The following FLII variants were observed in gnomAD, a reference collection of about 807,000 sequenced individuals.
The protein encoded by FLII is FLII actin remodeling protein.
FLII carries 101 observed loss-of-function variants against 156.2 expected under a neutral mutation model. The ratio of observed to expected loss-of-function variants is 0.65; its 90% CI spans 0.55 to 0.76. FLII has a LOEUF of 0.76. Among genes scored for constraint, FLII ranks in the 30% least tolerant of loss-of-function variants. The pLI is 0.00. For missense variants in FLII, 1,675 were observed against 1,682.8 expected, an observed-to-expected ratio of 1.00 and a Z score of 0.08; for synonymous variants, 767 against 685.8, an observed-to-expected ratio of 1.12 and a Z score of -1.85.
intron 6 of FLII, 128 bp from the exon 7 acceptor site, chr17:18,254,310 ACAAGCC>A (rs1218055887): frequency 1.2e-6 from 1 of 852,918 alleles, no homozygotes. Context: ...GGTTGAAGGG[ACAAGCC>A]CAAGGGTGGT....
intron 9 of FLII, 115 bp from the exon 10 acceptor site, chr17:18,252,671 G>A (rs1208686656): frequency 1.3e-6 from 1 of 778,588 alleles, no homozygotes; most frequent in East Asian, 2.5e-5. Context: ...ACTGGCGGGG[G>A]TCTCCATTCT....
At chr17:18,245,512 T>G in intron 28 of FLII, 43 bp downstream of exon 28, 1 of 1,612,234 alleles carries the variant, frequency 6.2e-7, no homozygotes, top group Non-Finnish European at 8.5e-7. Flanking sequence ...AGTAAGTCTA[T>G]GGGCGCCTCC....
At chr17:18,247,580 G>A (rs1032531605) in intron 20 of FLII, 77 bp downstream of exon 20, 10 of 1,332,696 alleles carry the variant, frequency 7.5e-6, no homozygotes, top group Non-Finnish European at 9.1e-6. Context: ...CTGTAGGGAG[G>A]TAGTGAAGCC....
intron 9 of FLII, 116 bp downstream of exon 9, chr17:18,253,185 G>T: frequency 9.8e-7 from 1 of 1,023,406 alleles, no homozygotes; most frequent in Non-Finnish European, 1.4e-6. Context: ...AAGAAAAGGT[G>T]AATTAACCCA....
chr17:18,245,116 C>A lies in FLII; in HGVS notation c.*22G>T, dbSNP rs200226967. ...AGGCCCCTTCCTCTTCCTCACCAAGCCTGGGGCTGTGCCAGCCTGTCTTAG... is the reference window on the plus strand; with the variant it reads ...AGGCCCCTTCCTCTTCCTCACCAAGACTGGGGCTGTGCCAGCCTGTCTTAG... On this transcript the variant is annotated 3_prime_UTR_variant, in exon 30 of 30. Transcript: ENST00000327031. The A allele has an allele frequency of 6.2e-7, 1 of 1,602,302 alleles. No homozygotes were observed. The highest frequency in any genetic ancestry group is 8.5e-7 in the Non-Finnish European group (1 of 1,172,468).
chr17:18,246,518 A>G (rs1597897968), intron 23 of FLII, 56 bp from the exon 24 acceptor site: 18 of 1,611,978 alleles, frequency 1.1e-5, no homozygotes, highest in South Asian at 3.3e-5. Context: ...GCCCCTCGGG[A>G]GCCTAACCTT....
chr17:18,258,741 G>A, upstream of FLII: 1 of 1,256,236 alleles, frequency 8.0e-7, no homozygotes, highest in South Asian at 2.4e-5. The surrounding 1 kb of genome is among the most constrained non-coding windows in gnomAD (Gnocchi z 4.2). Context: ...GCCGGGGCGA[G>A]GGCGCTGGGG....
Position 18,256,955 on chromosome 17 carries a change from G to T in FLII, c.128C>A (p.Thr43Asn), listed in dbSNP as rs1459979534. 1 of 1,612,184 alleles carries T rather than the reference G, an allele frequency of 6.2e-7. No individual in the cohort carries two copies. The change falls in exon 2 of 30, where the codon ACT becomes AAT. Residue 43 changes from threonine to asparagine, a missense_variant. Transcript: ENST00000327031. ...CTCCTCGGGCAGGTAGCAGAGGCCA[G>T]TGCGGTTCAGCTTCAGCCACCGCAG... ...TSLRWLKLNR[T>N]GLCYLPEELA...
chr17:18,247,117 C>CGGGCGGGGGGGGGGGGGGCGG, intron 21 of FLII, 52 bp downstream of exon 21: 1 of 1,455,100 alleles, frequency 6.9e-7, no homozygotes, highest in Non-Finnish European at 9.1e-7. Context: ...GCCCCGCCCT[C>CGGGCGGGGGGGGGGGGGGCGG]GGCCTGCCCC....
chr17:18,249,490 G>A lies in FLII; in HGVS notation c.1777-82C>T, dbSNP rs144900983. The stretch of plus-strand genomic sequence containing the variant: ...ACTGCCCCTCAGGTGGGGGTACAGA[G>A]TTGCATACAGGTGAATTGAGTGCTA... On this transcript the variant is annotated intron_variant, in intron 14 of 29. Transcript: ENST00000327031. 2.4e-5 allele frequency: 24 copies of A among 1,020,610 alleles called. No individual in the cohort carries two copies. In the East Asian group the frequency reaches 5.1e-4, roughly 22 times the overall value. The allele number at this position is 1,020,610 out of a possible 1,614,324, so 63.2% of individuals were successfully genotyped here. A position where few individuals can be genotyped will look rare whatever the true frequency, so the allele number is the denominator to read the frequency against.
chr17:18,248,844 T>C lies in FLII; in HGVS notation c.1974A>G (p.Val658=), dbSNP rs1292398667. ...TCAGTGTGGCCTGGGCCCCCCGCCA[T>C]ACGTAGATGTCTAGCCCTCGGTCCA... The part of the protein sequence containing the change: ...FLLDRGLDIY[V]WRGAQATLSS... The change falls in exon 17 of 30, where the codon GTA becomes GTG. Residue 658 remains valine (V), a synonymous_variant. Transcript: ENST00000327031. 3 of 1,613,844 alleles carry C rather than the reference T, an allele frequency of 1.9e-6. No individual in the cohort carries two copies. The highest frequency in any genetic ancestry group is 1.7e-6 in the Non-Finnish European group (2 of 1,179,922).
intron 3 of FLII, 66 bp downstream of exon 3, chr17:18,256,460 G>C: frequency 1.5e-6 from 2 of 1,317,326 alleles, no homozygotes; most frequent in Non-Finnish European, 2.1e-6. Context: ...TCTAGCCCAG[G>C]CTTCACGTCC....
At chr17:18,246,141 G>T (rs762968922) in intron 25 of FLII, 21 bp downstream of exon 25, 1 of 1,614,150 alleles carries the variant, frequency 6.2e-7, no homozygotes, top group Non-Finnish European at 8.5e-7. Flanking sequence ...ACGGAGTCCT[G>T]GCTCACACCC....
Position 18,254,578 on chromosome 17 carries a change from A to G in FLII, c.518T>C (p.Leu173Pro). ...GAGCACGAGCGTCTGCAGGTGCACCAGGCGGCGCATCTGCGGGGGCAGGCT... is the reference window on the plus strand; with the variant it reads ...GAGCACGAGCGTCTGCAGGTGCACCGGGCGGCGCATCTGCGGGGGCAGGCT... ...LESLPPQMRRLVHLQTLVLNG... is the reference protein window; with the variant it reads ...LESLPPQMRRPVHLQTLVLNG... The change falls in exon 6 of 30, where the codon CTG becomes CCG. Residue 173 changes from leucine (L) to proline (P), a missense_variant. Transcript: ENST00000327031. 1 of 1,613,734 alleles carries G rather than the reference A, an allele frequency of 6.2e-7. No homozygotes were observed. The highest frequency in any genetic ancestry group is 8.5e-7 in the Non-Finnish European group (1 of 1,179,910).
At position 18,254,576 on chromosome 17, in the gene FLII, C is replaced by T. The variant is rs1230307826; in HGVS notation, c.520G>A (p.Val174Met). 6.2e-7 allele frequency: 1 copy of T among 1,613,554 alleles called. No homozygotes were observed. Among genetic ancestry groups the T allele is most frequent in the Admixed American group, 1.7e-5 (1 of 59,960 alleles). The change falls in exon 6 of 30, where the codon GTG becomes ATG. Residue 174 changes from valine to methionine, a missense_variant. By Grantham distance (21) the Val-to-Met change is conservative (BLOSUM62 1). Around this residue, in one of 2 missense-constraint regions of FLII, gnomAD observed 343 missense variants for 413.5 expected, o/e 0.83. Coordinates refer to ENST00000327031, the MANE Select transcript of FLII (RefSeq NM_002018.4). The stretch of plus-strand genomic sequence containing the variant: ...TTGAGCACGAGCGTCTGCAGGTGCA[C>T]CAGGCGGCGCATCTGCGGGGGCAGG... ...ESLPPQMRRL[V>M]HLQTLVLNGN... is the part of the protein sequence containing the mutation.
At position 18,253,316 on chromosome 17, in the gene FLII, G is replaced by A; in HGVS notation, c.998C>T (p.Pro333Leu). Reference sequence around the variant, plus strand: ...TGCCCAGCACCTGCAGAGACTTTCAGGGACCAGCTCCAGGTTGTTGTTGGC... The same window carrying A: ...TGCCCAGCACCTGCAGAGACTTTCAAGGACCAGCTCCAGGTTGTTGTTGGC... ...MAANNNLELV[P>L]ESLCRCPKLR... Residue 333 changes from proline (P) to leucine (L), a missense_variant, in exon 9 of 30, where the codon CCT becomes CTT. Pro to Leu is a moderately conservative substitution (Grantham distance 98, BLOSUM62 -3). Around this residue, in one of 2 missense-constraint regions of FLII, gnomAD observed 1,332 missense variants for 1,269.3 expected, o/e 1.05. Coordinates refer to ENST00000327031, the MANE Select transcript of FLII (RefSeq NM_002018.4). The A allele has an allele frequency of 6.2e-7, 1 of 1,613,914 alleles. No individual in the cohort carries two copies. The highest frequency in any genetic ancestry group is 1.7e-5 in the Admixed American group (1 of 60,016).
chr17:18,254,162 G>C lies in FLII; in HGVS notation c.596C>G (p.Ala199Gly), dbSNP rs1298527184. 6.2e-7 allele frequency: 1 copy of C among 1,609,226 alleles called. No homozygotes were observed. Among genetic ancestry groups the C allele is most frequent in the African/African-American group, 1.3e-5 (1 of 74,834 alleles). Residue 199 changes from alanine to glycine, a missense_variant, in exon 7 of 30, where the codon GCC becomes GGC. Ala to Gly is a moderately conservative substitution (Grantham distance 60). This residue lies in a region of FLII where 343 missense variants were observed against 413.5 expected (regional missense o/e 0.83). Transcript: ENST00000327031. Reference sequence around the variant, plus strand: ...GCTCCGCAGGTGCAGGGTCTGCAGGGCCGTCATCGCTGGGAGCTGCCTGCC... The same window carrying C: ...GCTCCGCAGGTGCAGGGTCTGCAGGCCCGTCATCGCTGGGAGCTGCCTGCC... ...AQLRQLPAMT[A>G]LQTLHLRSTQ...
chr17:18,248,776 A>C (rs758254803), intron 17 of FLII, 24 bp downstream of exon 17: 2 of 1,613,904 alleles, frequency 1.2e-6, no homozygotes, highest in South Asian at 1.1e-5. Context: ...CCTTCACACA[A>C]AAGACCCCAC....
In FLII at chr17:18,258,278, G is replaced by C. The variant is rs2048488403; in HGVS notation, c.63+350C>G. Among the ~76,000 whole-genome samples, 1 of 152,224 alleles carries C rather than the reference G, an allele frequency of 6.6e-6. No homozygotes were observed. Among genetic ancestry groups the C allele is most frequent in the Non-Finnish European group, 1.5e-5 (1 of 68,042 alleles). ...GCAGCCATCCCTGAGTCAGGGCCTG[G>C]CTTGGGCGTGTGACCTCAGAGGGGC... On this transcript the variant is annotated intron_variant, in intron 1 of 29. Transcript: ENST00000327031. This position sits in a 1 kb window ranked among gnomAD's most constrained non-coding sequence, Gnocchi z 4.2.
Sources: gnomAD v4.1 joint callset for allele counts (sites outside exome capture counted in the v4.1 genomes callset) on GRCh38, gnomAD v4.1.1 for gene constraint, gnomAD v4.1.1 regional missense constraint, Gnocchi (gnomAD v3.1) non-coding constraint, MANE v1.5 for transcripts, NCBI Gene and HGNC (gene_info 2026-07-23, HGNC 2026-07-21) for gene names.